Variants in ADH6 observed in about 807,000 individuals in gnomAD.
ADH6 encodes alcohol dehydrogenase 6 (class V), also known as alcohol dehydrogenase 6.
Under a neutral mutation model 36.5 loss-of-function variants are expected in ADH6, and 34 were observed. The observed-to-expected ratio is 0.93, with a 90% CI of 0.71 to 1.24. ADH6 has a LOEUF of 1.24. Among genes scored for constraint, ADH6 ranks in the 50% most tolerant of loss-of-function variants. The probability of loss-of-function intolerance (pLI) is 0.00; values close to 1 mark genes in which losing one functional copy is unlikely to be tolerated. For synonymous variants in ADH6, 161 were observed against 155.5 expected, an observed-to-expected ratio of 1.04 and a Z score of -0.26; for missense variants, 440 against 447.0, an observed-to-expected ratio of 0.98 and a Z score of 0.14.
At chr4:99,210,542 TTAAAG>T (rs1248067125) in intron 3 of ADH6, 40 bp from the exon 4 acceptor site, 1 of 1,487,504 alleles carries the variant, frequency 6.7e-7, no homozygotes, top group Non-Finnish European at 9.3e-7. Flanking sequence ...ATATTATTTT[TTAAAG>T]TAAAGACATA....
At position 99,213,645 on chromosome 4, in the gene ADH6, C is replaced by G. The variant is rs201537738; in HGVS notation, c.223G>C (p.Val75Leu). Residue 75 changes from valine to leucine, a missense_variant, in exon 3 of 9, where the codon GTT becomes CTT. Val to Leu is a conservative substitution (Grantham distance 32, BLOSUM62 1). Transcript: ENST00000394899. Reference protein sequence around the residue: ...TILGHEGAGIVESIGEGVSTV... With the variant: ...TILGHEGAGILESIGEGVSTV... The stretch of plus-strand genomic sequence containing the variant: ...CTTACTCCTTCTCCAATACTCTCAA[C>G]GATTCCAGCCCCTTCATGGCCCAAG... 5.2e-5 allele frequency: 84 copies of G among 1,613,504 alleles called. No individual in the cohort carries two copies. Among genetic ancestry groups the G allele is most frequent in the Non-Finnish European group, 6.7e-5 (79 of 1,179,828 alleles).
chr4:99,206,442 G>A (rs1228222716), intron 7 of ADH6, among the ~76,000 whole-genome samples: 1 of 151,932 alleles, frequency 6.6e-6, no homozygotes, highest in Non-Finnish European at 1.5e-5. Flanking sequence ...TGTGTATTTT[G>A]AATTAACATT....
intron 1 of ADH6, among the ~76,000 whole-genome samples, chr4:99,218,275 C>A (rs759467174): frequency 6.6e-6 from 1 of 152,114 alleles, no homozygotes; most frequent in African/African-American, 2.4e-5. Context: ...AGCAGCCATG[C>A]GATGTGTTCA....
chr4:99,207,349 G>T, intron 7 of ADH6, 97 bp downstream of exon 7: 1 of 1,495,086 alleles, frequency 6.7e-7, no homozygotes. Context: ...ATATAAAGCT[G>T]TTGTTTTATG....
chr4:99,208,826 C>G lies in ADH6; in HGVS notation c.670G>C (p.Asp224His). The change falls in exon 6 of 9, where the codon GAT becomes CAT. Residue 224 changes from aspartate to histidine, a missense_variant. Coordinates refer to ENST00000394899, the MANE Select transcript of ADH6 (RefSeq NM_001102470.2). Reference protein sequence around the residue: ...AAGAARIIGVDVNKEKFKKAQ... With the variant: ...AAGAARIIGVHVNKEKFKKAQ... ...TTCTTAAATTTCTCCTTGTTGACAT[C>G]CACTCCAATGATCCTGGCTGCTCCT... is the stretch of plus-strand genomic sequence containing the variant. 4 of 1,613,790 alleles carry G rather than the reference C, an allele frequency of 2.5e-6. No homozygotes were observed. The highest frequency in any genetic ancestry group is 2.7e-5 in the African/African-American group (2 of 74,984).
Position 99,210,422 on chromosome 4 carries a change from G to A in ADH6, c.343C>T (p.Gln115Ter). 6.2e-7 allele frequency: 1 copy of A among 1,608,038 alleles called. No individual in the cohort carries two copies. The highest frequency in any genetic ancestry group is 8.5e-7 in the Non-Finnish European group (1 of 1,175,432). ...ATATTAGTAAAAACTTACTTGAATT[G>A]TATACAAAAATTGCCCTCAGAATTC... ...CLNSEGNFCIQFKQSKTQLMS... is the reference protein window; with the variant it reads ...CLNSEGNFCI Residue 115 changes from glutamine (Q) to a stop codon, truncating the protein, a stop_gained, in exon 4 of 9, where the codon CAA becomes TAA. Coordinates refer to ENST00000394899, the MANE Select transcript of ADH6 (RefSeq NM_001102470.2). LOFTEE classifies it high-confidence loss of function.
chr4:99,206,972 C>G (rs144641402), intron 7 of ADH6, among the ~76,000 whole-genome samples: 131 of 151,294 alleles, frequency 8.7e-4, no homozygotes, highest in Middle Eastern at 6.8e-3. Context: ...TTTTTTTAAT[C>G]AATAGTATTT....
intron 2 of ADH6, 43 bp from the exon 3 acceptor site, chr4:99,213,790 A>G (rs561644093): frequency 2.0e-6 from 3 of 1,499,048 alleles, no homozygotes; most frequent in East Asian, 2.4e-5. Flanking sequence ...GCTGTTTCAG[A>G]TAATGGTGTT....
Position 99,207,588 on chromosome 4 carries a change from G to T in ADH6, c.829-7C>A, listed in dbSNP as rs1344460788. The T allele has an allele frequency of 6.2e-7, 1 of 1,612,742 alleles. No homozygotes were observed. Among genetic ancestry groups the T allele is most frequent in the African/African-American group, 1.3e-5 (1 of 74,854 alleles). On this transcript the variant is annotated splice_region_variant and splice_polypyrimidine_tract_variant and intron_variant, in intron 6 of 8. Transcript: ENST00000394899. ...AGGAGGCGAGGGCAGCTGCCTGTTA[G>T]AAAGTGATGCAATACAGTATAGGGG... is the stretch of plus-strand genomic sequence containing the variant.
chr4:99,204,500 C>A, intron 8 of ADH6: 1 of 1,297,360 alleles, frequency 7.7e-7, no homozygotes. Context: ...TTTTTTGGGT[C>A]AAAGATAGGA....
chr4:99,212,589 A>G (rs1466591159), intron 3 of ADH6, among the ~76,000 whole-genome samples: 4 of 152,032 alleles, frequency 2.6e-5, no homozygotes, highest in Non-Finnish European at 2.9e-5. Context: ...TATTTTTCCT[A>G]TCTAGCAGAA....
At chr4:99,209,984 T>G in intron 5 of ADH6, 98 bp downstream of exon 5, 3 of 1,278,812 alleles carry the variant, frequency 2.3e-6, no homozygotes, top group South Asian at 2.6e-5. Flanking sequence ...AGGCTTGGGA[T>G]TTTTCCTTTG....
chr4:99,216,341 G>T, intron 1 of ADH6, 79 bp from the exon 2 acceptor site: 7 of 803,528 alleles, frequency 8.7e-6, no homozygotes, highest in South Asian at 2.8e-5. Flanking sequence ...AGTGATTATA[G>T]AATCATTAAA....
chr4:99,212,655 T>C (rs1422401338), intron 3 of ADH6, among the ~76,000 whole-genome samples: 1 of 152,064 alleles, frequency 6.6e-6, no homozygotes, highest in African/African-American at 2.4e-5. Context: ...CCTTTTAAAA[T>C]GTTTTTTATT....
rs371616580 is a variant in ADH6, at chr4:99,210,103, A to G, written c.546T>C (p.Gly182=). The part of the protein sequence containing the change: ...LISCGFSTGF[G]AAINTAKVTP... ...TCACCTTGGCAGTATTGATTGCAGC[A>G]CCAAACCCAGTGGAAAAGCCACAGC... Residue 182 remains glycine (G), a synonymous_variant, in exon 5 of 9, where the codon GGT becomes GGC. Transcript: ENST00000394899. 4 of 1,613,554 alleles carry G rather than the reference A, an allele frequency of 2.5e-6. No individual in the cohort carries two copies. The highest frequency in any genetic ancestry group is 3.4e-6 in the Non-Finnish European group (4 of 1,179,734).
At chr4:99,214,742 A>G (rs1731342663) in intron 2 of ADH6, among the ~76,000 whole-genome samples, 1 of 152,226 alleles carries the variant, frequency 6.6e-6, no homozygotes, top group East Asian at 1.9e-4. Flanking sequence ...CTTAGTCAAG[A>G]AATGAAATAT....
chr4:99,218,822 C>A (rs1731539488), intron 1 of ADH6, among the ~76,000 whole-genome samples: 1 of 151,856 alleles, frequency 6.6e-6, no homozygotes, highest in South Asian at 2.1e-4. Flanking sequence ...ACTTTACTAT[C>A]CTTGTATATT....
At chr4:99,212,454 C>T (rs911440766) in intron 3 of ADH6, among the ~76,000 whole-genome samples, 8 of 151,966 alleles carry the variant, frequency 5.3e-5, no homozygotes, top group Admixed American at 5.3e-4. Flanking sequence ...ACATGTTAAA[C>T]ACTTGAAGAC....
At chr4:99,211,134 G>A (rs1579445742) in intron 3 of ADH6, among the ~76,000 whole-genome samples, 1 of 151,020 alleles carries the variant, frequency 6.6e-6, no homozygotes, top group Admixed American at 6.6e-5. Context: ...TGAAGATTTA[G>A]TTTCTTCTAT....
Sources: gnomAD v4.1 joint callset for allele counts (sites outside exome capture counted in the v4.1 genomes callset) on GRCh38, gnomAD v4.1.1 for gene constraint, MANE v1.5 for transcripts, NCBI Gene and HGNC (gene_info 2026-07-23, HGNC 2026-07-21) for gene names.